The following MYO1A variants were observed in gnomAD, a reference collection of about 807,000 sequenced individuals.
MYO1A encodes myosin IA, also known as unconventional myosin-Ia.
A neutral mutation model predicts 138.5 loss-of-function variants in MYO1A; 127 were observed. The observed-to-expected ratio is 0.92, with a 90% CI of 0.79 to 1.06. The LOEUF (loss-of-function observed/expected upper bound fraction) is 1.06. Ranked by LOEUF, MYO1A falls within the 50% of genes least tolerant of loss-of-function variation. The probability of loss-of-function intolerance (pLI) is 0.00; values close to 1 mark genes in which losing one functional copy is unlikely to be tolerated. For missense variants in MYO1A, 1,211 were observed against 1,288.8 expected (o/e 0.94, Z 0.92); for synonymous variants, 477 against 497.5 (o/e 0.96, Z 0.55).
chr12:57,036,120 G>GC (rs1374845912), intron 22 of MYO1A, among the ~76,000 whole-genome samples, 187 bp downstream of exon 22: 4 of 152,202 alleles, frequency 2.6e-5, no homozygotes, highest in Non-Finnish European at 4.4e-5. Context: ...ATCTGATTCT[G>GC]CCCCCGAGTC....
intron 12 of MYO1A, among the ~76,000 whole-genome samples, chr12:57,042,381 C>T (rs1419448419): frequency 2.6e-5 from 4 of 152,172 alleles, no homozygotes; most frequent in Admixed American, 2.0e-4. Context: ...TTTATCTCTT[C>T]ATCAGTTGAT....
At position 57,036,958 on chromosome 12, in the gene MYO1A, C is replaced by G. The variant is rs1415547427; in HGVS notation, c.2189G>C (p.Trp730Ser). 4 of 1,614,032 alleles carry G rather than the reference C, an allele frequency of 2.5e-6. No individual in the cohort carries two copies. The South Asian group carries it at 3.3e-5, about 13-fold the overall frequency. The change falls in exon 20 of 28, where the codon TGG becomes TCG. Residue 730 changes from tryptophan to serine, a missense_variant. Physicochemically the swap from Trp to Ser is radical, Grantham distance 177 (BLOSUM62 -3). Transcript: ENST00000300119. ...MRKSQILISS[W>S]FRGNMQKKCY... ...TGACCGTACCATGTTTCCCCGAAAC[C>G]AAGAGGAGATGAGGATCTGACTCTT... is the stretch of plus-strand genomic sequence containing the variant.
In MYO1A at chr12:57,036,754, T is replaced by TC; in HGVS notation, c.2274+17dup. The TC allele has an allele frequency of 6.2e-7, 1 of 1,613,808 alleles. No homozygotes were observed. The highest frequency in any genetic ancestry group is 8.5e-7 in the Non-Finnish European group (1 of 1,179,720). On this transcript the variant is annotated intron_variant, in intron 21 of 27. Transcript: ENST00000300119. ...AGGAGAAACAATGTGAGGAAACCTC[T>TC]CTTCCACTCTCCATTACCTTCCACC...
In MYO1A at chr12:57,029,602, G is replaced by T; in HGVS notation, c.2725-15C>A. ...CGAGAAGAAGTCTAGGGACGGAACAGGCAAGGGTGAGGAAAGGCAGGATTA... is the reference window on the plus strand; with the variant it reads ...CGAGAAGAAGTCTAGGGACGGAACATGCAAGGGTGAGGAAAGGCAGGATTA... On this transcript the variant is annotated splice_polypyrimidine_tract_variant and intron_variant, in intron 25 of 27. Transcript: ENST00000300119. The T allele has an allele frequency of 1.2e-6, 2 of 1,614,216 alleles. No homozygotes were observed. The highest frequency in any genetic ancestry group is 1.7e-6 in the Non-Finnish European group (2 of 1,180,040).
chr12:57,043,147 A>C lies in MYO1A; in HGVS notation c.1023T>G (p.Ala341=), dbSNP rs1381135701. The change falls in exon 12 of 28, where the codon GCT becomes GCG. Residue 341 remains alanine, a synonymous_variant. Coordinates refer to ENST00000300119, the MANE Select transcript of MYO1A (RefSeq NM_005379.4). Reference sequence around the variant, plus strand: ...AGATGTTCTTAGCCAGGGCGTCCCGAGCATACTGAGCCTGTGGGTGAGGCA... The same window carrying C: ...AGATGTTCTTAGCCAGGGCGTCCCGCGCATACTGAGCCTGTGGGTGAGGCA... The part of the protein sequence containing the change: ...TALNVMQAQY[A]RDALAKNIYS... The C allele has an allele frequency of 9.3e-6, 15 of 1,614,022 alleles. No homozygotes were observed. The highest frequency in any genetic ancestry group is 1.2e-5 in the Non-Finnish European group (14 of 1,180,044).
chr12:57,038,368 G>A (rs2030675785), intron 17 of MYO1A, 44 bp downstream of exon 17: 6 of 1,591,584 alleles, frequency 3.8e-6, no homozygotes, highest in South Asian at 1.1e-5. Context: ...CCCTGCACGT[G>A]CCATCACATA....
chr12:57,038,994 GGATACCTC>G lies in MYO1A; in HGVS notation c.1340_1347del (p.Arg447ProfsTer6), dbSNP rs763062282. The G allele has an allele frequency of 5.2e-5, 84 of 1,613,960 alleles. No individual in the cohort carries two copies. In the Middle Eastern group the frequency reaches 9.9e-4, roughly 19 times the overall value. ...AGGCACTCCTCATCCAACATGGCCA[GGATACCTC>G]GCTGATTCTGGGCCGGGGGAACAAA... On this transcript the variant is annotated frameshift_variant, in exon 16 of 28. Coordinates refer to ENST00000300119, the MANE Select transcript of MYO1A (RefSeq NM_005379.4). LOFTEE classifies it high-confidence loss of function.
Position 57,028,893 on chromosome 12 carries a change from AC to A in MYO1A, c.3006-13del, listed in dbSNP as rs1296835321. 1.2e-6 allele frequency: 2 copies of A among 1,613,586 alleles called. No homozygotes were observed. The highest frequency in any genetic ancestry group is 3.3e-5 in the Admixed American group (2 of 59,984). Reference sequence around the variant, plus strand: ...ACCTCACTGAGAACCTGGAGAGGGAACAGAAAACCAAGTCTAGTGCCCATCC... The same window carrying A: ...ACCTCACTGAGAACCTGGAGAGGGAAAGAAAACCAAGTCTAGTGCCCATCC... On this transcript the variant is annotated splice_polypyrimidine_tract_variant and intron_variant, in intron 27 of 27. Transcript: ENST00000300119.
intron 13 of MYO1A, 56 bp downstream of exon 13, chr12:57,041,376 G>A (rs1047032214): frequency 3.4e-5 from 54 of 1,595,114 alleles, no homozygotes; most frequent in Non-Finnish European, 4.1e-5. Context: ...TCCCCCCTGT[G>A]AGCCTGTCCA....
intron 24 of MYO1A, 125 bp from the exon 25 acceptor site, chr12:57,029,997 A>T: frequency 6.6e-7 from 1 of 1,506,154 alleles, no homozygotes; most frequent in Non-Finnish European, 9.2e-7. Flanking sequence ...CAGTGTCCAC[A>T]GAGCACAGTC....
chr12:57,048,094 C>T lies in MYO1A; in HGVS notation c.125G>A (p.Gly42Glu). ...YENKEIYTYI[G>E]NVVISVNPYQ... ...GGGATTCACTGAGATCACCACATTC[C>T]CAATGTAGGTCTGGAGCCAGGAAGA... The change falls in exon 3 of 28, where the codon GGG becomes GAG. Residue 42 changes from glycine to glutamate, a missense_variant. Transcript: ENST00000300119. 1 of 1,613,878 alleles carries T rather than the reference C, an allele frequency of 6.2e-7. No individual in the cohort carries two copies. The highest frequency in any genetic ancestry group is 8.5e-7 in the Non-Finnish European group (1 of 1,179,766).
Position 57,038,829 on chromosome 12 carries a change from T to C in MYO1A, c.1513A>G (p.Ile505Val), listed in dbSNP as rs1472386276. The C allele has an allele frequency of 6.8e-6, 11 of 1,614,174 alleles. No individual in the cohort carries two copies. Among genetic ancestry groups the C allele is most frequent in the Non-Finnish European group, 9.3e-6 (11 of 1,180,036 alleles). Residue 505 changes from isoleucine (I) to valine (V), a missense_variant, in exon 16 of 28, where the codon ATC becomes GTC. Physicochemically the swap from Ile to Val is conservative, Grantham distance 29. Coordinates refer to ENST00000300119, the MANE Select transcript of MYO1A (RefSeq NM_005379.4). ...TTCACCTTGCCCGCATAGTGGCAGA[T>C]GCGGAAGCAGCTGAGGCCCATGGTG... ...DHTMGLSCFRICHYAGKVTYN... is the reference protein window; with the variant it reads ...DHTMGLSCFRVCHYAGKVTYN...
At chr12:57,028,913 C>G in intron 27 of MYO1A, 32 bp from the exon 28 acceptor site, 1 of 1,611,650 alleles carries the variant, frequency 6.2e-7, no homozygotes, top group South Asian at 1.1e-5. Flanking sequence ...AAGTCTAGTG[C>G]CCATCCCCTC....
In MYO1A at chr12:57,048,175, A is replaced by T. The variant is rs750537067; in HGVS notation, c.114+35T>A. The T allele has an allele frequency of 2.5e-6, 4 of 1,603,702 alleles. No individual in the cohort carries two copies. In the South Asian group the frequency reaches 4.4e-5, roughly 18 times the overall value. ...GGGAGCCTGTGACCTCTCCAGCCAC[A>T]TATCCACAGCCAGAGGCACCCATAT... On this transcript the variant is annotated intron_variant, in intron 2 of 27. Transcript: ENST00000300119.
chr12:57,044,404 G>A (rs1380329053), intron 8 of MYO1A, among the ~76,000 whole-genome samples, 195 bp from the exon 9 acceptor site: 1 of 152,074 alleles, frequency 6.6e-6, no homozygotes, highest in East Asian at 1.9e-4. Flanking sequence ...TTTTGTTGTT[G>A]TTGAGACAGG....
intron 19 of MYO1A, among the ~76,000 whole-genome samples, 166 bp from the exon 20 acceptor site, chr12:57,037,257 C>G (rs1489521884): frequency 6.6e-6 from 1 of 152,214 alleles, no homozygotes; most frequent in Non-Finnish European, 1.5e-5. Context: ...ATCTACTTAA[C>G]TCTAACTTTG....
At chr12:57,037,152 C>T in intron 19 of MYO1A, 61 bp from the exon 20 acceptor site, 5 of 1,598,800 alleles carry the variant, frequency 3.1e-6, no homozygotes, top group African/African-American at 2.7e-5. Flanking sequence ...GCTGTCCTCT[C>T]CTATACCCCA....
In MYO1A at chr12:57,036,989, T is replaced by C. The variant is rs750063431; in HGVS notation, c.2158A>G (p.Met720Val). ...GAGATGAGGATCTGACTCTTTCGCA[T>C]CAGTTGGTAGTGGGTGCGGCAGCGC... is the stretch of plus-strand genomic sequence containing the variant. ...GWRCRTHYQL[M>V]RKSQILISSW... Residue 720 changes from methionine (M) to valine (V), a missense_variant, in exon 20 of 28, where the codon ATG becomes GTG. Met to Val is a conservative substitution (Grantham distance 21, BLOSUM62 1). Transcript: ENST00000300119. The C allele has an allele frequency of 6.2e-6, 10 of 1,614,052 alleles. No individual in the cohort carries two copies. The highest frequency in any genetic ancestry group is 1.6e-4 in the Middle Eastern group (1 of 6,084).
At chr12:57,047,154 G>T in intron 5 of MYO1A, 47 bp from the exon 6 acceptor site, 3 of 1,609,346 alleles carry the variant, frequency 1.9e-6, no homozygotes, top group Non-Finnish European at 2.6e-6. Context: ...GAAGGGAAAG[G>T]AGGAAGGGCT....
Sources: gnomAD v4.1 joint callset for allele counts (sites outside exome capture counted in the v4.1 genomes callset) on GRCh38, gnomAD v4.1.1 for gene constraint, MANE v1.5 for transcripts, NCBI Gene and HGNC (gene_info 2026-07-23, HGNC 2026-07-21) for gene names.